The following FAM193A variants were observed in gnomAD, a reference collection of about 807,000 sequenced individuals.
FAM193A encodes family with sequence similarity 193 member A.
In FAM193A, 22 loss-of-function variants were observed where a neutral mutation model predicts 126.5. The ratio of observed to expected loss-of-function variants is 0.17; its 90% CI spans 0.12 to 0.25. The LOEUF (loss-of-function observed/expected upper bound fraction) is 0.25, where lower values mean the gene tolerates loss of function less well. FAM193A is among the 10% of genes least tolerant of loss of function. The pLI is 1.00. For missense variants in FAM193A, 1,675 were observed against 1,672.8 expected, an observed-to-expected ratio of 1.00 and a Z score of -0.02; for synonymous variants, 761 against 646.8, an observed-to-expected ratio of 1.18 and a Z score of -2.68.
intron 1 of FAM193A, among the ~76,000 whole-genome samples, chr4:2,595,766 C>A (rs1334576009): frequency 1.3e-5 from 2 of 152,114 alleles, no homozygotes; most frequent in African/African-American, 2.4e-5. Flanking sequence ...TTGGTGGTAA[C>A]CAGTTCTGGT....
intron 20 of FAM193A, chr4:2,719,900 C>A: frequency 4.5e-6 from 1 of 223,648 alleles, no homozygotes; most frequent in Non-Finnish European, 9.4e-6. Context: ...AAGCAGTCCT[C>A]CCACCTCAGC....
At chr4:2,584,282 C>T (rs1452559789) in intron 1 of FAM193A, among the ~76,000 whole-genome samples, 1 of 151,938 alleles carries the variant, frequency 6.6e-6, no homozygotes, top group East Asian at 1.9e-4. Context: ...AAAAAATTAG[C>T]GGTGCTTGGT....
In FAM193A at chr4:2,672,286, C is replaced by T; in HGVS notation, c.2245C>T (p.His749Tyr). 1.2e-6 allele frequency: 2 copies of T among 1,614,212 alleles called. No individual in the cohort carries two copies. The highest frequency in any genetic ancestry group is 1.7e-6 in the Non-Finnish European group (2 of 1,180,038). Reference sequence around the variant, plus strand: ...GCACCTTTACCCTCACATCCATGGACATGTGCCTTTGCACACTGTTCCACA... The same window carrying T: ...GCACCTTTACCCTCACATCCATGGATATGTGCCTTTGCACACTGTTCCACA... ...ALHLYPHIHG[H>Y]VPLHTVPHLP... Residue 749 changes from histidine to tyrosine, a missense_variant, in exon 13 of 21, where the codon CAT becomes TAT. Physicochemically the swap from His to Tyr is moderately conservative, Grantham distance 83 (BLOSUM62 2). Around this residue, in one of 4 missense-constraint regions of FAM193A, gnomAD observed 1,186 missense variants for 1,109.2 expected, o/e 1.07. Coordinates refer to ENST00000637812, the MANE Select transcript of FAM193A (RefSeq NM_001366318.2).
chr4:2,712,414 G>T (rs1306063728), intron 19 of FAM193A, among the ~76,000 whole-genome samples: 3 of 152,096 alleles, frequency 2.0e-5, no homozygotes. Context: ...TTAGTTACTT[G>T]TGGCTTTTTG....
At chr4:2,671,642 T>G (rs1167757704) in intron 12 of FAM193A, among the ~76,000 whole-genome samples, 1 of 152,230 alleles carries the variant, frequency 6.6e-6, no homozygotes, top group Non-Finnish European at 1.5e-5. Flanking sequence ...TTGACAATTG[T>G]GTTCAGTTTT....
intron 1 of FAM193A, among the ~76,000 whole-genome samples, chr4:2,587,887 A>C (rs1577043774): frequency 6.6e-6 from 1 of 152,138 alleles, no homozygotes. Flanking sequence ...GAAGTGATGC[A>C]GGAAAGAAAG....
chr4:2,711,933 A>G (rs1480311259), intron 19 of FAM193A, among the ~76,000 whole-genome samples: 2 of 152,154 alleles, frequency 1.3e-5, no homozygotes, highest in East Asian at 3.9e-4. Flanking sequence ...TCTCCAAAAA[A>G]AAGAAATTAT....
At chr4:2,542,096 A>G (rs1262433944) in intron 1 of FAM193A, among the ~76,000 whole-genome samples, 3 of 151,292 alleles carry the variant, frequency 2.0e-5, no homozygotes, top group Non-Finnish European at 2.9e-5. Flanking sequence ...GCTCACTGCA[A>G]CCTCCGCCTC....
chr4:2,607,939 A>C (rs1306473164), intron 2 of FAM193A: 1 of 1,389,354 alleles, frequency 7.2e-7, no homozygotes, highest in Non-Finnish European at 9.8e-7. Flanking sequence ...CTTTATGAAC[A>C]CAGATTCTTT....
chr4:2,620,497 G>A (rs1742474382), intron 2 of FAM193A, among the ~76,000 whole-genome samples: 2 of 152,172 alleles, frequency 1.3e-5, no homozygotes, highest in African/African-American at 4.8e-5. Context: ...GTAAGCTAGA[G>A]CTCAGGAGAT....
chr4:2,714,183 C>T (rs867347203), intron 19 of FAM193A, among the ~76,000 whole-genome samples: 34 of 152,132 alleles, frequency 2.2e-4, no homozygotes, highest in African/African-American at 6.3e-4. Flanking sequence ...GTAAATGCTC[C>T]GGCCCTCTCT....
intron 7 of FAM193A, among the ~76,000 whole-genome samples, chr4:2,653,233 A>T (rs1745845445): frequency 6.6e-6 from 1 of 152,222 alleles, no homozygotes; most frequent in Admixed American, 6.5e-5. Context: ...CTTGAAGGTA[A>T]ACATTTATTT....
chr4:2,543,895 A>ACC (rs1553883649), intron 1 of FAM193A, among the ~76,000 whole-genome samples: 4 of 132,556 alleles, frequency 3.0e-5, no homozygotes, highest in African/African-American at 1.1e-4. Flanking sequence ...AAAAAAAAAA[A>ACC]CCAAAAAATT....
At chr4:2,590,583 T>A (rs1474391621) in intron 1 of FAM193A, among the ~76,000 whole-genome samples, 1 of 151,984 alleles carries the variant, frequency 6.6e-6, no homozygotes, top group African/African-American at 2.4e-5. Flanking sequence ...ATTATTGATT[T>A]GGACTAGACA....
At chr4:2,550,530 G>A (rs990171179) in intron 1 of FAM193A, among the ~76,000 whole-genome samples, 3 of 151,472 alleles carry the variant, frequency 2.0e-5, no homozygotes, top group Non-Finnish European at 4.4e-5. Flanking sequence ...TCTGCCTCCC[G>A]GGTTCAAGCG....
intron 6 of FAM193A, among the ~76,000 whole-genome samples, chr4:2,642,713 T>G (rs1346582168): frequency 6.6e-6 from 1 of 150,850 alleles, no homozygotes; most frequent in African/African-American, 2.4e-5. Context: ...AAACCGGAAG[T>G]GCATCATAAA....
At chr4:2,676,001 T>C (rs1011252420) in intron 13 of FAM193A, among the ~76,000 whole-genome samples, 1 of 152,258 alleles carries the variant, frequency 6.6e-6, no homozygotes, top group African/African-American at 2.4e-5. Flanking sequence ...ATACTCATCA[T>C]ATGGCTGTAC....
At chr4:2,630,740 G>A (rs1210142670) in intron 4 of FAM193A, among the ~76,000 whole-genome samples, 195 bp from the exon 5 acceptor site, 2 of 152,254 alleles carry the variant, frequency 1.3e-5, no homozygotes, top group Non-Finnish European at 2.9e-5. Flanking sequence ...CTGTTCCCTA[G>A]TGACACTCTG....
chr4:2,659,570 A>G lies in FAM193A; in HGVS notation c.1402A>G (p.Lys468Glu). 8 of 1,613,286 alleles carry G rather than the reference A, an allele frequency of 5.0e-6. No homozygotes were observed. Among genetic ancestry groups the G allele is most frequent in the Non-Finnish European group, 6.8e-6 (8 of 1,179,250 alleles). ...AAATTTCCTCTAGTTAACCAATAAG[A>G]AAGCAGTTACTGGCGAGAACAACTT... Reference protein sequence around the residue: ...RFIEEQLTNKKAVTGENNFTD... With the variant: ...RFIEEQLTNKEAVTGENNFTD... The change falls in exon 9 of 21, where the codon AAA becomes GAA. Residue 468 changes from lysine to glutamate, a missense_variant. Physicochemically the swap from Lys to Glu is moderately conservative, Grantham distance 56. This residue lies in a region of FAM193A where 1,186 missense variants were observed against 1,109.2 expected (regional missense o/e 1.07). Transcript: ENST00000637812.
Sources: gnomAD v4.1 joint callset for allele counts (sites outside exome capture counted in the v4.1 genomes callset) on GRCh38, gnomAD v4.1.1 for gene constraint, gnomAD v4.1.1 regional missense constraint, MANE v1.5 for transcripts, NCBI Gene and HGNC (gene_info 2026-07-23, HGNC 2026-07-21) for gene names.